The following CTNND2 variants were observed in gnomAD, a reference collection of about 807,000 sequenced individuals.
The protein encoded by CTNND2 is catenin delta 2.
In CTNND2, 22 loss-of-function variants were observed where a neutral mutation model predicts 144.4. The ratio of observed to expected loss-of-function variants is 0.15; its 90% CI spans 0.11 to 0.22. The LOEUF is 0.22. Ranked by LOEUF, CTNND2 falls within the 10% of genes least tolerant of loss-of-function variation. The pLI, the probability that CTNND2 is intolerant of heterozygous loss-of-function variation, is 1.00. For missense variants in CTNND2, 1,353 were observed against 1,618.8 expected (o/e 0.84, Z 2.82); for synonymous variants, 751 against 695.6 (o/e 1.08, Z -1.25).
chr5:11,480,590 C>T (rs1768148370), intron 3 of CTNND2, among the ~76,000 whole-genome samples: 1 of 151,678 alleles, frequency 6.6e-6, no homozygotes, highest in African/African-American at 2.4e-5. Flanking sequence ...TGACATGTTT[C>T]TGTTACCTAA....
rs2149842350 is a variant in CTNND2 at position 11,415,106 on chromosome 5, A to C, written c.288-3037T>G. On this transcript the variant is annotated intron_variant, in intron 3 of 21. Coordinates refer to ENST00000304623, the MANE Select transcript of CTNND2 (RefSeq NM_001332.4). ...GGTACAATAATTCATATTCCTCTGTAATGGGATTGTCGGGTTGAATAGCAG... is the reference window on the plus strand; with the variant it reads ...GGTACAATAATTCATATTCCTCTGTCATGGGATTGTCGGGTTGAATAGCAG... Among the ~76,000 whole-genome samples, 3 of 152,284 alleles carry C rather than the reference A, an allele frequency of 2.0e-5. 1 individual carries two copies. Among genetic ancestry groups the C allele is most frequent in the South Asian group, 4.2e-4 (2 of 4,812 alleles).
chr5:11,230,368 T>TG (rs1554006963), intron 10 of CTNND2, among the ~76,000 whole-genome samples: 2 of 150,108 alleles, frequency 1.3e-5, no homozygotes, highest in African/African-American at 4.9e-5. Flanking sequence ...AAAGTATAAT[T>TG]AAAAAAAAAA....
chr5:11,901,814 G>A (rs1737912961), intron 1 of CTNND2, among the ~76,000 whole-genome samples: 1 of 152,152 alleles, frequency 6.6e-6, no homozygotes, highest in Admixed American at 6.5e-5. Flanking sequence ...CACAGGCACA[G>A]AGCAGTATCA....
chr5:11,496,109 T>A (rs757565792), intron 3 of CTNND2, among the ~76,000 whole-genome samples: 44 of 152,184 alleles, frequency 2.9e-4, no homozygotes, highest in Non-Finnish European at 5.6e-4. Flanking sequence ...AATCCCCCCA[T>A]TACCTTCCCT....
chr5:11,826,989 T>C (rs747266493), intron 1 of CTNND2, among the ~76,000 whole-genome samples: 3 of 151,994 alleles, frequency 2.0e-5, no homozygotes, highest in African/African-American at 4.8e-5. Flanking sequence ...TCATTGACAT[T>C]AACAAAACAT....
At chr5:11,378,791 T>TA in intron 7 of CTNND2, among the ~76,000 whole-genome samples, 1 of 152,314 alleles carries the variant, frequency 6.6e-6, no homozygotes, top group East Asian at 1.9e-4. Context: ...ACTCTTTTTT[T>TA]TTCTTTCTCA....
chr5:11,273,291 T>C (rs924514843), intron 9 of CTNND2, among the ~76,000 whole-genome samples: 2 of 152,004 alleles, frequency 1.3e-5, no homozygotes, highest in African/African-American at 4.8e-5. Context: ...AATCAGAGAG[T>C]GATCTGGTTC....
chr5:11,802,905 A>G (rs1187850392), intron 1 of CTNND2, among the ~76,000 whole-genome samples: 6 of 152,232 alleles, frequency 3.9e-5, no homozygotes, highest in African/African-American at 1.4e-4. Context: ...CAGATGTCAT[A>G]AACACCAAAT....
At chr5:11,830,848 C>A (rs978459716) in intron 1 of CTNND2, among the ~76,000 whole-genome samples, 3 of 152,160 alleles carry the variant, frequency 2.0e-5, no homozygotes, top group African/African-American at 4.8e-5. Flanking sequence ...CCACTCTTTC[C>A]ACAGACCTCT....
intron 2 of CTNND2, among the ~76,000 whole-genome samples, chr5:11,627,043 G>T (rs533443308): frequency 6.6e-6 from 1 of 152,254 alleles, no homozygotes; most frequent in South Asian, 2.1e-4. Context: ...GAGGTGTTAG[G>T]AAAGTGTTTG....
At chr5:11,630,315 G>A (rs1236696166) in intron 2 of CTNND2, among the ~76,000 whole-genome samples, 1 of 152,136 alleles carries the variant, frequency 6.6e-6, no homozygotes, top group Admixed American at 6.5e-5. Context: ...ATGCACACCA[G>A]GGTGGACTGC....
intron 2 of CTNND2, among the ~76,000 whole-genome samples, chr5:11,605,911 T>C (rs912210571): frequency 3.3e-5 from 5 of 152,192 alleles, no homozygotes; most frequent in African/African-American, 1.2e-4. Context: ...GGACTAAAGA[T>C]AGACTTAAGG....
At chr5:11,565,126 A>G in intron 2 of CTNND2, 70 bp from the exon 3 acceptor site, 1 of 941,544 alleles carries the variant, frequency 1.1e-6, no homozygotes, top group Non-Finnish European at 1.7e-6. Context: ...CCAAAATAAT[A>G]GGACGGCTGA....
At chr5:11,120,791 C>T (rs10462666) in intron 12 of CTNND2, among the ~76,000 whole-genome samples, 140 of 145,910 alleles carry the variant, frequency 9.6e-4, no homozygotes, top group African/African-American at 3.3e-3. Context: ...TCATACTGTC[C>T]GCAGGCATGA....
chr5:11,847,249 T>C (rs1650721358), intron 1 of CTNND2, among the ~76,000 whole-genome samples: 1 of 146,874 alleles, frequency 6.8e-6, no homozygotes, highest in African/African-American at 2.5e-5. Flanking sequence ...CATCTACAAA[T>C]GAGTGGATAA....
At chr5:11,856,626 T>C (rs1487066843) in intron 1 of CTNND2, among the ~76,000 whole-genome samples, 7 of 152,240 alleles carry the variant, frequency 4.6e-5, no homozygotes, top group Admixed American at 2.0e-4. Context: ...CATCAGGAAC[T>C]ACAGCGGCAG....
chr5:11,281,225 G>A (rs558389227), intron 9 of CTNND2, among the ~76,000 whole-genome samples: 1 of 152,302 alleles, frequency 6.6e-6, no homozygotes. Flanking sequence ...TCCCAGAGAG[G>A]ATAAGGTCAC....
Position 11,474,862 on chromosome 5 carries a change from C to T in CTNND2, c.288-62793G>A, listed in dbSNP as rs1201401249. ...TTATTACCAATTACCTTCCATGGTA[C>T]CCTTGAGGTTCTAAGCACCCGCCCT... On this transcript the variant is annotated intron_variant, in intron 3 of 21. Transcript: ENST00000304623. 7.9e-5 allele frequency among the ~76,000 whole-genome samples: 12 copies of T among 152,200 alleles called. No individual in the cohort carries two copies. In the East Asian group the frequency reaches 2.3e-3, roughly 29 times the overall value.
At chr5:11,429,116 C>T (rs570922641) in intron 3 of CTNND2, among the ~76,000 whole-genome samples, 2 of 152,226 alleles carry the variant, frequency 1.3e-5, no homozygotes, top group South Asian at 4.1e-4. Flanking sequence ...GGGTGGCGTT[C>T]ACATATAAAA....
Sources: gnomAD v4.1 joint callset for allele counts (sites outside exome capture counted in the v4.1 genomes callset) on GRCh38, gnomAD v4.1.1 for gene constraint, MANE v1.5 for transcripts, NCBI Gene and HGNC (gene_info 2026-07-23, HGNC 2026-07-21) for gene names.